Variants in RTTN observed in about 807,000 individuals in gnomAD.
RTTN encodes rotatin.
In RTTN, 182 loss-of-function variants were observed where a neutral mutation model predicts 269.2. The observed-to-expected ratio is 0.68, with a 90% CI of 0.60 to 0.76. RTTN has a LOEUF of 0.76. Among genes scored for constraint, RTTN ranks in the 30% least tolerant of loss-of-function variants. RTTN has a pLI of 0.00. For synonymous variants in RTTN, 1,006 were observed against 963.5 expected (o/e 1.04, Z -0.82); for missense variants, 2,545 against 2,608.6 (o/e 0.98, Z 0.53).
chr18:70,071,137 T>G (rs1158023954), intron 34 of RTTN, among the ~76,000 whole-genome samples: 1 of 152,158 alleles, frequency 6.6e-6, no homozygotes, highest in Non-Finnish European at 1.5e-5. Flanking sequence ...GCTAGGAACT[T>G]GAACAAGCAT....
intron 34 of RTTN, among the ~76,000 whole-genome samples, chr18:70,068,293 G>A (rs1046260760): frequency 1.2e-4 from 19 of 152,266 alleles, no homozygotes; most frequent in Non-Finnish European, 1.8e-4. Flanking sequence ...ACTGGAAGGT[G>A]CAGTATGAGC....
intron 46 of RTTN, chr18:70,007,376 C>G (rs1415931487): frequency 6.6e-6 from 1 of 152,416 alleles, no homozygotes; most frequent in East Asian, 1.9e-4. Context: ...TTTTTCATAC[C>G]TCAGTAGTGC....
At chr18:70,082,131 A>T (rs2058585304) in intron 32 of RTTN, among the ~76,000 whole-genome samples, 1 of 152,194 alleles carries the variant, frequency 6.6e-6, no homozygotes, top group African/African-American at 2.4e-5. Flanking sequence ...CATGGAAAGC[A>T]ACTAGAGCAT....
intron 23 of RTTN, 195 bp from the exon 24 acceptor site, chr18:70,128,741 C>A: frequency 1.9e-6 from 1 of 517,404 alleles, no homozygotes; most frequent in Non-Finnish European, 3.5e-6. Context: ...TCTAAACTCC[C>A]CAGAACACTT....
In RTTN at chr18:70,086,718, AAAAAAAAAAAAAAAAG is replaced by A. The variant is rs755421599; in HGVS notation, c.4303-50_4303-35del. ...GTAAAAAAAAAAAAAAAAAAAAAAAAAAAAAAAAAAAAAAAGGTCAATACTGCCATCTTGTGGTCAT... is the reference window on the plus strand; with the variant it reads ...GTAAAAAAAAAAAAAAAAAAAAAAAAGTCAATACTGCCATCTTGTGGTCAT... On this transcript the variant is annotated intron_variant, in intron 31 of 48. Coordinates refer to ENST00000640769, the MANE Select transcript of RTTN (RefSeq NM_173630.4). The A allele has an allele frequency of 2.6e-3, 2,185 of 855,570 alleles. 19 individuals carry two copies. Among genetic ancestry groups the A allele is most frequent in the South Asian group, 4.9e-3 (264 of 54,126 alleles). 53.0% of individuals were successfully genotyped at this position (855,570 alleles called of 1,614,324 possible).
At chr18:70,193,267 A>G in intron 8 of RTTN, 21 bp downstream of exon 8, 3 of 1,593,156 alleles carry the variant, frequency 1.9e-6, no homozygotes, top group Non-Finnish European at 2.6e-6. Context: ...TCATTTCCCC[A>G]GAGACACTGC....
chr18:70,182,053 G>A (rs2146024270), intron 10 of RTTN, among the ~76,000 whole-genome samples: 1 of 152,034 alleles, frequency 6.6e-6, no homozygotes, highest in Non-Finnish European at 1.5e-5. Context: ...ACACTTCAAA[G>A]GAAAAATTTA....
chr18:70,100,993 G>A (rs1172282403), intron 28 of RTTN, among the ~76,000 whole-genome samples: 2 of 152,106 alleles, frequency 1.3e-5, no homozygotes, highest in African/African-American at 2.4e-5. Context: ...ATTTTATTGA[G>A]GATTTTTGCA....
intron 42 of RTTN, 134 bp from the exon 43 acceptor site, chr18:70,028,935 G>A (rs911084738): frequency 5.8e-6 from 3 of 514,818 alleles, no homozygotes; most frequent in Non-Finnish European, 1.0e-5. Flanking sequence ...CTGTAACTTT[G>A]AGGGAACTGA....
At chr18:70,054,561 T>C (rs546528348) in intron 37 of RTTN, among the ~76,000 whole-genome samples, 4 of 152,294 alleles carry the variant, frequency 2.6e-5, no homozygotes, top group East Asian at 3.9e-4. Context: ...CCAGGTGTGG[T>C]AGCTAACACA....
At chr18:70,125,088 C>T (rs1369972759) in intron 25 of RTTN, among the ~76,000 whole-genome samples, 2 of 151,984 alleles carry the variant, frequency 1.3e-5, no homozygotes, top group Non-Finnish European at 2.9e-5. Context: ...AAAACATACA[C>T]ATAAATTAAT....
chr18:70,156,224 C>T (rs2060671903), intron 14 of RTTN, among the ~76,000 whole-genome samples: 3 of 152,148 alleles, frequency 2.0e-5, no homozygotes, highest in Non-Finnish European at 4.4e-5. Flanking sequence ...CAGCAAGGAA[C>T]ATCCCTGAGA....
chr18:70,201,030 G>A lies in RTTN; in HGVS notation c.487+864C>T, dbSNP rs551901400. Among the ~76,000 whole-genome samples, 5 of 152,282 alleles carry A rather than the reference G, an allele frequency of 3.3e-5. No individual in the cohort carries two copies. The South Asian group carries it at 1.0e-3, about 32-fold the overall frequency. On this transcript the variant is annotated intron_variant, in intron 4 of 48. Coordinates refer to ENST00000640769, the MANE Select transcript of RTTN (RefSeq NM_173630.4). ...TGTGTTAGGAAGAAAACTACACATA[G>A]GAAGTGATCACTGGCTAGAATCACC...
intron 35 of RTTN, among the ~76,000 whole-genome samples, 161 bp from the exon 36 acceptor site, chr18:70,060,203 G>A (rs1373418298): frequency 6.6e-6 from 1 of 152,140 alleles, no homozygotes; most frequent in Non-Finnish European, 1.5e-5. Flanking sequence ...TAGGGGTCAG[G>A]CTACCCCTAC....
At chr18:70,200,744 TG>T (rs113756809) in intron 4 of RTTN, among the ~76,000 whole-genome samples, 9 of 152,292 alleles carry the variant, frequency 5.9e-5, no homozygotes, top group African/African-American at 1.7e-4. Context: ...GGCAAGAAAA[TG>T]GTAAGTACGT....
chr18:70,173,379 G>A (rs2061195241), intron 11 of RTTN, among the ~76,000 whole-genome samples: 2 of 151,480 alleles, frequency 1.3e-5, no homozygotes, highest in Admixed American at 6.6e-5. Context: ...TGCAATCCCA[G>A]CTACTCGGGA....
At chr18:70,205,338 T>C (rs777141041) in intron 1 of RTTN, 23 bp from the exon 2 acceptor site, 1 of 1,611,782 alleles carries the variant, frequency 6.2e-7, no homozygotes, top group South Asian at 1.1e-5. Context: ...GGCACAAAAC[T>C]ATTTTATTTC....
intron 14 of RTTN, among the ~76,000 whole-genome samples, chr18:70,156,420 G>C (rs2060677402): frequency 6.6e-6 from 1 of 152,120 alleles, no homozygotes. Context: ...CCTGTCTACT[G>C]ATAAGATGTT....
intron 45 of RTTN, 56 bp downstream of exon 45, chr18:70,020,559 G>T: frequency 2.2e-6 from 3 of 1,390,120 alleles, no homozygotes; most frequent in Non-Finnish European, 3.0e-6. Flanking sequence ...CTTTTGATTG[G>T]AAAGATTATT....
Sources: allele counts gnomAD v4.1 joint callset (sites outside exome capture counted in the v4.1 genomes callset), GRCh38; gene constraint gnomAD v4.1.1; transcripts MANE v1.5; gene names NCBI Gene and HGNC (gene_info 2026-07-23, HGNC 2026-07-21).